The following GRIA1 variants were observed in gnomAD, a reference collection of about 807,000 sequenced individuals.
GRIA1 encodes glutamate ionotropic receptor AMPA type subunit 1, also known as glutamate receptor 1.
GRIA1 carries 31 observed loss-of-function variants against 99.2 expected under a neutral mutation model. The ratio of observed to expected loss-of-function variants is 0.31; its 90% confidence interval spans 0.23 to 0.42. The LOEUF (loss-of-function observed/expected upper bound fraction) is 0.42. GRIA1 is among the 10% of genes least tolerant of loss of function. The pLI is 1.00. For missense variants in GRIA1, 782 were observed against 1,157.5 expected (o/e 0.68, Z 4.71); for synonymous variants, 438 against 432.4 (o/e 1.01, Z -0.16).
chr5:153,737,009 A>C (rs548152318), intron 11 of GRIA1, among the ~76,000 whole-genome samples: 1 of 152,252 alleles, frequency 6.6e-6, no homozygotes, highest in Non-Finnish European at 1.5e-5. Flanking sequence ...TTTGGCCTAA[A>C]CCCTGGTTCT....
In GRIA1 at chr5:153,764,452, C is replaced by A. The variant is rs1763382047; in HGVS notation, c.1842C>A (p.Ile614=). The A allele has an allele frequency of 1.2e-6, 2 of 1,613,680 alleles. No individual in the cohort carries two copies. The highest frequency in any genetic ancestry group is 2.7e-5 in the African/African-American group (2 of 74,902). The change falls in exon 12 of 16, where the codon ATC becomes ATA. Residue 614 remains isoleucine, a synonymous_variant. Transcript: ENST00000285900. ...DISPRSLSGR[I]VGGVWWFFTL... ...CCTGCAGGTCCCTGTCTGGTCGCAT[C>A]GTTGGTGGCGTCTGGTGGTTCTTCA...
At chr5:153,669,870 C>T (rs747280653) in intron 5 of GRIA1, among the ~76,000 whole-genome samples, 3 of 152,092 alleles carry the variant, frequency 2.0e-5, no homozygotes, top group Non-Finnish European at 2.9e-5. Flanking sequence ...CATATTACAC[C>T]CCCAACATCC....
intron 11 of GRIA1, among the ~76,000 whole-genome samples, chr5:153,741,842 C>T (rs1177837654): frequency 1.3e-5 from 2 of 151,240 alleles, no homozygotes. Context: ...TAGCATTGTA[C>T]CTATAGTCAA....
chr5:153,493,900 T>C (rs768951227), intron 1 of GRIA1, 28 bp from the exon 2 acceptor site: 3 of 1,613,106 alleles, frequency 1.9e-6, no homozygotes, highest in African/African-American at 1.3e-5. Context: ...CTAGCCCATA[T>C]ACCATGTTGC....
Position 153,794,856 on chromosome 5 carries a change from G to A in GRIA1, c.2385+121G>A. On this transcript the variant is annotated intron_variant, in intron 14 of 15. Transcript: ENST00000285900. ...TACTAAAAAGAAAAGATAAATTAAT[G>A]TCAAAGGGAAGCCCTTTGGTTGAGT... The A allele has an allele frequency of 1.7e-5, 11 of 645,190 alleles. No individual in the cohort carries two copies. In the South Asian group the frequency reaches 1.8e-4, roughly 10 times the overall value. 40.0% of individuals were successfully genotyped at this position (645,190 alleles called of 1,614,324 possible).
chr5:153,617,582 A>AATTG (rs1426046040), intron 2 of GRIA1, among the ~76,000 whole-genome samples: 2 of 152,076 alleles, frequency 1.3e-5, no homozygotes, highest in African/African-American at 4.8e-5. Flanking sequence ...GATTAGGGAG[A>AATTG]ATTGGTACAT....
At chr5:153,517,677 T>C (rs1344752007) in intron 2 of GRIA1, among the ~76,000 whole-genome samples, 2 of 152,198 alleles carry the variant, frequency 1.3e-5, no homozygotes, top group Admixed American at 1.3e-4. Flanking sequence ...CAGTGCTAGT[T>C]ACAAAATATA....
At chr5:153,500,071 A>G (rs557350350) in intron 2 of GRIA1, among the ~76,000 whole-genome samples, 14 of 152,304 alleles carry the variant, frequency 9.2e-5, no homozygotes, top group Admixed American at 1.3e-4. Context: ...AAGTGTTGAC[A>G]TTTGTCTGTG....
At chr5:153,752,074 A>G (rs1448016768) in intron 11 of GRIA1, among the ~76,000 whole-genome samples, 3 of 152,164 alleles carry the variant, frequency 2.0e-5, no homozygotes, top group African/African-American at 7.2e-5. Context: ...AATAAATACC[A>G]TAAACAATCA....
intron 11 of GRIA1, among the ~76,000 whole-genome samples, chr5:153,725,166 GA>G (rs1227026618): frequency 6.6e-6 from 1 of 151,314 alleles, no homozygotes; most frequent in African/African-American, 2.4e-5. Context: ...AAATGAAGGA[GA>G]AATAAAATAC....
intron 2 of GRIA1, among the ~76,000 whole-genome samples, chr5:153,506,837 A>G (rs1365607773): frequency 2.0e-5 from 3 of 152,136 alleles, no homozygotes; most frequent in African/African-American, 7.2e-5. Flanking sequence ...ATACTTTAAA[A>G]TATGGTTGGA....
At chr5:153,746,553 GA>G (rs1762174266) in intron 11 of GRIA1, among the ~76,000 whole-genome samples, 1 of 152,162 alleles carries the variant, frequency 6.6e-6, no homozygotes, top group African/African-American at 2.4e-5. Flanking sequence ...TTTGGCCACA[GA>G]TGACAATGCA....
chr5:153,565,878 A>G (rs2149357416), intron 2 of GRIA1, among the ~76,000 whole-genome samples: 1 of 152,184 alleles, frequency 6.6e-6, no homozygotes, highest in African/African-American at 2.4e-5. Flanking sequence ...TTATTAGTTG[A>G]TAGACATTTG....
At chr5:153,623,535 G>T (rs2067735742) in intron 2 of GRIA1, among the ~76,000 whole-genome samples, 1 of 152,142 alleles carries the variant, frequency 6.6e-6, no homozygotes, top group African/African-American at 2.4e-5. Flanking sequence ...GTTTAACAGT[G>T]AAAAACAAAC....
chr5:153,575,321 C>T (rs1055369091), intron 2 of GRIA1, among the ~76,000 whole-genome samples: 4 of 152,112 alleles, frequency 2.6e-5, no homozygotes, highest in Non-Finnish European at 5.9e-5. Context: ...CCCTTTGTGG[C>T]CTGATTTTTG....
chr5:153,629,785 T>A (rs113267137), intron 2 of GRIA1, among the ~76,000 whole-genome samples: 1,752 of 152,374 alleles, frequency 0.011, 37 homozygotes, highest in African/African-American at 0.04. Context: ...GCTGTTCTTC[T>A]ACTGCAGAAT....
chr5:153,696,750 A>G lies in GRIA1; in HGVS notation c.1135-1294A>G, dbSNP rs939421779. 4.6e-5 allele frequency among the ~76,000 whole-genome samples: 7 copies of G among 152,180 alleles called. No individual in the cohort carries two copies. The East Asian group carries it at 5.8e-4, about 13-fold the overall frequency. ...TAGTTCTCTTTCCTTTTTCCTTTGT[A>G]TCTAGAGCCAGCAGAATGATCACAA... On this transcript the variant is annotated intron_variant, in intron 8 of 15. Transcript: ENST00000285900.
intron 5 of GRIA1, among the ~76,000 whole-genome samples, chr5:153,667,516 A>G (rs1289395632): frequency 6.6e-6 from 1 of 152,212 alleles, no homozygotes; most frequent in Admixed American, 6.5e-5. Context: ...AATGATAATG[A>G]TAATGGTGAA....
chr5:153,696,862 A>ATGTG (rs10694156), intron 8 of GRIA1, among the ~76,000 whole-genome samples: 40,367 of 151,110 alleles, frequency 0.27, 5,672 homozygotes, highest in East Asian at 0.41. Flanking sequence ...TAGGGTGTGT[A>ATGTG]TGTGTGTGTG....
Sources: allele counts gnomAD v4.1 joint callset (sites outside exome capture counted in the v4.1 genomes callset), GRCh38; gene constraint gnomAD v4.1.1; transcripts MANE v1.5; gene names NCBI Gene and HGNC (gene_info 2026-07-23, HGNC 2026-07-21).